The following PTH2R variants were observed in gnomAD, a reference collection of about 807,000 sequenced individuals.
PTH2R encodes the protein parathyroid hormone 2 receptor, also known as PTH2 receptor.
A neutral mutation model predicts 60.3 loss-of-function variants in PTH2R; 59 were observed. That is an observed-to-expected ratio of 0.98 (90% CI 0.79 to 1.22). PTH2R has a LOEUF of 1.22. Ranked by LOEUF, PTH2R falls within the 50% of genes most tolerant of loss-of-function variation. The pLI is 0.00. For synonymous variants in PTH2R, 256 were observed against 243.8 expected (o/e 1.05, Z -0.47); for missense variants, 749 against 682.6 (o/e 1.10, Z -1.08).
chr2:208,395,379 C>T (rs911739850), intron 1 of PTH2R, among the ~76,000 whole-genome samples: 5 of 151,862 alleles, frequency 3.3e-5, no homozygotes, highest in African/African-American at 1.2e-4. Flanking sequence ...AAGGAAGCTG[C>T]GGTATTGCTG....
upstream of PTH2R, among the ~76,000 whole-genome samples, chr2:208,402,077 C>A (rs1196279093): frequency 6.6e-6 from 1 of 152,154 alleles, no homozygotes; most frequent in Non-Finnish European, 1.5e-5. Context: ...GACCCCAGTT[C>A]CTGCTACTCC....
At position 208,483,079 on chromosome 2, in the gene PTH2R, G is replaced by T. The variant is rs554331378; in HGVS notation, c.1076+1915G>T. On this transcript the variant is annotated intron_variant, in intron 10 of 12. Coordinates refer to ENST00000272847, the MANE Select transcript of PTH2R (RefSeq NM_005048.4). ...TATTCCTTAGCAATAGTTTCAGGGG[G>T]GGTCCCTGCAGGTAGTATTTACTGT... Among the ~76,000 whole-genome samples the T allele has an allele frequency of 5.0e-4, 76 of 152,270 alleles. 1 individual carries two copies. The highest frequency in any genetic ancestry group is 1.4e-3 in the African/African-American group (59 of 41,548).
intron 12 of PTH2R, among the ~76,000 whole-genome samples, chr2:208,491,847 A>C (rs186744445): frequency 1.2e-3 from 176 of 152,156 alleles, no homozygotes; most frequent in Admixed American, 7.5e-3. Flanking sequence ...TCAGTGTTTT[A>C]TACTGTCTGC....
At chr2:208,389,574 G>T (rs1241689648) in intron 1 of PTH2R, among the ~76,000 whole-genome samples, 2 of 152,192 alleles carry the variant, frequency 1.3e-5, no homozygotes, top group Admixed American at 6.5e-5. Flanking sequence ...TCAATGGGTA[G>T]ACACTGGAAT....
chr2:208,417,755 A>G (rs1701670941), intron 1 of PTH2R, among the ~76,000 whole-genome samples: 2 of 152,082 alleles, frequency 1.3e-5, no homozygotes, highest in Non-Finnish European at 2.9e-5. Flanking sequence ...GGAGAACATC[A>G]TTAGAATAAG....
At chr2:208,458,747 G>C (rs1023036304) in intron 8 of PTH2R, among the ~76,000 whole-genome samples, 1 of 152,046 alleles carries the variant, frequency 6.6e-6, no homozygotes, top group Non-Finnish European at 1.5e-5. Context: ...ATAGCCTCCA[G>C]CTCCATCCAT....
At chr2:208,421,017 G>A (rs1484311109) in intron 1 of PTH2R, among the ~76,000 whole-genome samples, 7 of 152,144 alleles carry the variant, frequency 4.6e-5, no homozygotes, top group Admixed American at 3.3e-4. Flanking sequence ...AAATTTAACC[G>A]TGCTTTGTTT....
intron 7 of PTH2R, 32 bp downstream of exon 7, chr2:208,444,919 C>T (rs1287169448): frequency 6.3e-7 from 1 of 1,583,740 alleles, no homozygotes; most frequent in Non-Finnish European, 8.6e-7. Context: ...TCCTTTCAAA[C>T]TGGATGATGC....
At chr2:208,475,810 T>C (rs1702988942) in intron 9 of PTH2R, among the ~76,000 whole-genome samples, 1 of 152,182 alleles carries the variant, frequency 6.6e-6, no homozygotes, top group African/African-American at 2.4e-5. Flanking sequence ...CCTCACATCA[T>C]CATTGTGTAT....
At chr2:208,391,880 C>G (rs1701114543) in intron 1 of PTH2R, among the ~76,000 whole-genome samples, 1 of 152,158 alleles carries the variant, frequency 6.6e-6, no homozygotes, top group African/African-American at 2.4e-5. Flanking sequence ...AGCTTCAGTA[C>G]CTTCCTGAGA....
At chr2:208,485,045 G>A (rs1364893693) in intron 10 of PTH2R, among the ~76,000 whole-genome samples, 1 of 152,002 alleles carries the variant, frequency 6.6e-6, no homozygotes, top group South Asian at 2.1e-4. Flanking sequence ...AATAAAATGG[G>A]GAAAGTACCA....
intron 8 of PTH2R, among the ~76,000 whole-genome samples, chr2:208,455,035 C>T (rs1310454158): frequency 6.6e-6 from 1 of 152,202 alleles, no homozygotes; most frequent in Non-Finnish European, 1.5e-5. Flanking sequence ...ATCAGCTTCC[C>T]TCAGTTCTAA....
chr2:208,422,826 A>T (rs1484268380), intron 1 of PTH2R, among the ~76,000 whole-genome samples: 1 of 152,184 alleles, frequency 6.6e-6, no homozygotes, highest in East Asian at 1.9e-4. Flanking sequence ...AATAATATTG[A>T]TAACTGTCAA....
chr2:208,456,534 A>G (rs1188217846), intron 8 of PTH2R, among the ~76,000 whole-genome samples: 1 of 152,208 alleles, frequency 6.6e-6, no homozygotes, highest in Admixed American at 6.5e-5. Context: ...ACATCTGCAC[A>G]GGCTTTTGGG....
At chr2:208,366,868 G>C (rs1700603382) in intron 1 of PTH2R, among the ~76,000 whole-genome samples, 1 of 152,070 alleles carries the variant, frequency 6.6e-6, no homozygotes, top group East Asian at 1.9e-4. Context: ...ACCAAGTTTT[G>C]GCCAATCAAA....
At chr2:208,372,959 G>A (rs1700729426) in intron 1 of PTH2R, among the ~76,000 whole-genome samples, 1 of 152,070 alleles carries the variant, frequency 6.6e-6, no homozygotes, top group African/African-American at 2.4e-5. Flanking sequence ...GATGGCACAT[G>A]CCTGTAGGTC....
At chr2:208,370,183 C>A (rs942822345) in intron 1 of PTH2R, among the ~76,000 whole-genome samples, 12 of 151,966 alleles carry the variant, frequency 7.9e-5, no homozygotes, top group Admixed American at 2.0e-4. Context: ...GTGGCTCACG[C>A]CTGTAATCAC....
chr2:208,447,079 T>A (rs1216807283), intron 7 of PTH2R, among the ~76,000 whole-genome samples: 1 of 152,184 alleles, frequency 6.6e-6, no homozygotes, highest in Non-Finnish European at 1.5e-5. Flanking sequence ...TAGTAATGTG[T>A]GGAGTTACAC....
intron 1 of PTH2R, among the ~76,000 whole-genome samples, chr2:208,420,087 A>G (rs967216659): frequency 1.3e-5 from 2 of 152,132 alleles, no homozygotes; most frequent in Admixed American, 6.5e-5. Flanking sequence ...TTGAACAATG[A>G]GAACACATGG....
Sources: allele counts gnomAD v4.1 joint callset (sites outside exome capture counted in the v4.1 genomes callset), GRCh38; gene constraint gnomAD v4.1.1; transcripts MANE v1.5; gene names NCBI Gene and HGNC (gene_info 2026-07-23, HGNC 2026-07-21).